PI4KA: variants seen among roughly 807,000 people sequenced by gnomAD.
PI4KA encodes the protein phosphatidylinositol 4-kinase alpha.
Under a neutral mutation model 271.4 loss-of-function variants are expected in PI4KA, and 122 were observed. That is an observed-to-expected ratio of 0.45 (90% CI 0.39 to 0.52). The LOEUF is 0.52. Ranked by LOEUF, PI4KA falls within the 20% of genes least tolerant of loss-of-function variation. The probability of loss-of-function intolerance (pLI) is 0.00; values close to 1 mark genes in which losing one functional copy is unlikely to be tolerated. For synonymous variants in PI4KA, 1,041 were observed against 1,078.8 expected, an observed-to-expected ratio of 0.96 and a Z score of 0.69; for missense variants, 1,969 against 2,769.1, an observed-to-expected ratio of 0.71 and a Z score of 6.48.
At chr22:20,773,544 G>C (rs1279305138) in intron 19 of PI4KA, among the ~76,000 whole-genome samples, 1 of 152,184 alleles carries the variant, frequency 6.6e-6, no homozygotes, top group Non-Finnish European at 1.5e-5. Context: ...TGCACCTACT[G>C]GCAACAAACA....
In PI4KA at chr22:20,707,861, G is replaced by A. The variant is rs1472019284; in HGVS notation, c.*186C>T. The A allele has an allele frequency of 3.6e-5, 25 of 700,574 alleles. No individual in the cohort carries two copies. Among genetic ancestry groups the A allele is most frequent in the African/African-American group, 5.3e-5 (3 of 56,864 alleles). 43.4% of individuals were successfully genotyped at this position (700,574 alleles called of 1,614,324 possible). A position where few individuals can be genotyped will look rare whatever the true frequency, so the allele number is the denominator to read the frequency against. Reference sequence around the variant, plus strand: ...TAGACAGCACCATCCATTGATTGTCGCTGCAGTCCATGGCGTTACCAAGGC... The same window carrying A: ...TAGACAGCACCATCCATTGATTGTCACTGCAGTCCATGGCGTTACCAAGGC... On this transcript the variant is annotated 3_prime_UTR_variant, in exon 55 of 55. Coordinates refer to ENST00000255882, the MANE Select transcript of PI4KA (RefSeq NM_058004.4).
Position 20,758,255 on chromosome 22 carries a change from C to T in PI4KA, c.2791+3049G>A, listed in dbSNP as rs138105436. On this transcript the variant is annotated intron_variant, in intron 23 of 54. Coordinates refer to ENST00000255882, the MANE Select transcript of PI4KA (RefSeq NM_058004.4). Reference sequence around the variant, plus strand: ...TGGTGGGCGCCTGTAGTCCCAGCTACTTGGGAGGCTGAGGCAGGAGAATGG... The same window carrying T: ...TGGTGGGCGCCTGTAGTCCCAGCTATTTGGGAGGCTGAGGCAGGAGAATGG... Among the ~76,000 whole-genome samples the T allele has an allele frequency of 5.6e-3, 847 of 149,922 alleles. 6 individuals carry two copies. The highest frequency in any genetic ancestry group is 0.019 in the African/African-American group (785 of 40,814).
At chr22:20,749,849 C>CT (rs1930482455) in intron 28 of PI4KA, 56 bp downstream of exon 28, 3 of 1,072,774 alleles carry the variant, frequency 2.8e-6, no homozygotes, top group Non-Finnish European at 4.4e-6. Context: ...CTCTGTAAAG[C>CT]TTTTTTGGGA....
At chr22:20,745,839 G>A (rs1929992524) in intron 29 of PI4KA, among the ~76,000 whole-genome samples, 1 of 151,876 alleles carries the variant, frequency 6.6e-6, no homozygotes, top group Non-Finnish European at 1.5e-5. Flanking sequence ...ATGGCAAACA[G>A]CACCTGGTGG....
chr22:20,787,496 G>A (rs1194683009), intron 19 of PI4KA: 4 of 298,118 alleles, frequency 1.3e-5, no homozygotes, highest in Non-Finnish European at 2.6e-5. Flanking sequence ...TCCCAAGGAG[G>A]GTACACAACT....
At chr22:20,729,179 A>G in intron 39 of PI4KA, 134 bp downstream of exon 39, 1 of 720,512 alleles carries the variant, frequency 1.4e-6, no homozygotes, top group South Asian at 1.9e-5. Flanking sequence ...CTGGGGCTCG[A>G]GGACTAGACT....
rs769187280 is a variant in PI4KA, at chr22:20,819,914, T to G, written c.530-14A>C. Reference sequence around the variant, plus strand: ...TGCAAAGGTATTCTAGAAGATCAAGTGAAAACGTTACAATATAAGAAAGTA... The same window carrying G: ...TGCAAAGGTATTCTAGAAGATCAAGGGAAAACGTTACAATATAAGAAAGTA... On this transcript the variant is annotated splice_polypyrimidine_tract_variant and intron_variant, in intron 5 of 54. Coordinates refer to ENST00000255882, the MANE Select transcript of PI4KA (RefSeq NM_058004.4). The G allele has an allele frequency of 4.4e-6, 7 of 1,608,194 alleles. No individual in the cohort carries two copies. The East Asian group carries it at 1.6e-4, about 36-fold the overall frequency.
At chr22:20,856,785 T>C (rs1325502216) in intron 1 of PI4KA, among the ~76,000 whole-genome samples, 1 of 152,226 alleles carries the variant, frequency 6.6e-6, no homozygotes, top group Non-Finnish European at 1.5e-5. Flanking sequence ...GCTAAGAATG[T>C]TGCAATTACA....
intron 1 of PI4KA, among the ~76,000 whole-genome samples, chr22:20,842,823 A>AC (rs361968): frequency 0.32 from 46,757 of 145,920 alleles, 7,577 homozygotes; most frequent in East Asian, 0.44. Context: ...TCAAAAAAAA[A>AC]AAAAAGGCCG....
In PI4KA at chr22:20,808,013, G is replaced by A. The variant is rs141648159; in HGVS notation, c.1072-555C>T. Among the ~76,000 whole-genome samples the A allele has an allele frequency of 3.2e-3, 481 of 152,232 alleles. 2 individuals carry two copies. Among genetic ancestry groups the A allele is most frequent in the African/African-American group, 8.4e-3 (349 of 41,540 alleles). The stretch of plus-strand genomic sequence containing the variant: ...GTTAAGAAAGATAATAGTCCAGCCC[G>A]GGTGTGGTGGCTCACGCCTGTAATC... On this transcript the variant is annotated intron_variant, in intron 9 of 54. Transcript: ENST00000255882.
rs73877794 is a variant in PI4KA at position 20,805,475 on chromosome 22, C to T, written c.1169-310G>A. Among the ~76,000 whole-genome samples the T allele has an allele frequency of 2.9e-3, 447 of 152,196 alleles. 1 individual carries two copies. The highest frequency in any genetic ancestry group is 0.01 in the African/African-American group (421 of 41,522). On this transcript the variant is annotated intron_variant, in intron 10 of 54. Coordinates refer to ENST00000255882, the MANE Select transcript of PI4KA (RefSeq NM_058004.4). Reference sequence around the variant, plus strand: ...ATGAAACATATAAATTGGGAAGTATCGTTGCTGGAACTACTTCCACTGACA... The same window carrying T: ...ATGAAACATATAAATTGGGAAGTATTGTTGCTGGAACTACTTCCACTGACA...
chr22:20,756,638 ATTT>A (rs368359062), intron 23 of PI4KA, among the ~76,000 whole-genome samples: 1 of 147,126 alleles, frequency 6.8e-6, no homozygotes, highest in African/African-American at 2.5e-5. Flanking sequence ...ATTAAAAAAA[ATTT>A]TTTTTTTGAG....
At chr22:20,777,683 G>C (rs1933414839) in intron 19 of PI4KA, among the ~76,000 whole-genome samples, 1 of 152,148 alleles carries the variant, frequency 6.6e-6, no homozygotes, top group Non-Finnish European at 1.5e-5. Context: ...TAGAAGTTGG[G>C]ACCATGTATT....
intron 13 of PI4KA, 115 bp from the exon 14 acceptor site, chr22:20,802,220 C>A: frequency 1.2e-6 from 1 of 824,658 alleles, no homozygotes; most frequent in Non-Finnish European, 1.9e-6. Context: ...AAAATGATCA[C>A]TCTAAAAACA....
chr22:20,811,590 T>C (rs996437199), intron 8 of PI4KA, among the ~76,000 whole-genome samples: 9 of 132,396 alleles, frequency 6.8e-5, no homozygotes, highest in African/African-American at 2.7e-4. Flanking sequence ...TGAATTGTTC[T>C]GTCAACTGCA....
chr22:20,819,571 G>T (rs1922329736), intron 6 of PI4KA, 70 bp downstream of exon 6: 3 of 1,391,342 alleles, frequency 2.2e-6, no homozygotes, highest in African/African-American at 2.9e-5. Flanking sequence ...ACAAAGAAGA[G>T]GGATTTTCTT....
intron 42 of PI4KA, chr22:20,726,261 G>A (rs1026339715): frequency 1.4e-5 from 6 of 429,618 alleles, no homozygotes; most frequent in African/African-American, 1.0e-4. Flanking sequence ...CCCCAGAACC[G>A]GCTCGCTCCA....
intron 23 of PI4KA, among the ~76,000 whole-genome samples, chr22:20,756,546 C>T (rs1931328574): frequency 6.6e-6 from 1 of 151,908 alleles, no homozygotes; most frequent in Non-Finnish European, 1.5e-5. Flanking sequence ...TCATATAGTT[C>T]TTTGGAAACT....
chr22:20,730,046 G>A, intron 36 of PI4KA, 35 bp from the exon 37 acceptor site: 1 of 1,607,228 alleles, frequency 6.2e-7, no homozygotes, highest in South Asian at 1.1e-5. Flanking sequence ...CTAGAGTGAG[G>A]TGGCTCAAGA....
Sources: allele counts gnomAD v4.1 joint callset (sites outside exome capture counted in the v4.1 genomes callset), GRCh38; gene constraint gnomAD v4.1.1; transcripts MANE v1.5; gene names NCBI Gene and HGNC (gene_info 2026-07-23, HGNC 2026-07-21).